RPH3AL: variants seen among roughly 807,000 people sequenced by gnomAD.
The protein encoded by RPH3AL is rabphilin 3A like (without C2 domains).
A neutral mutation model predicts 43.1 loss-of-function variants in RPH3AL; 38 were observed. The ratio of observed to expected loss-of-function variants is 0.88; its 90% CI spans 0.68 to 1.15. RPH3AL has a LOEUF of 1.15. RPH3AL is among the 50% of genes most tolerant of loss of function. RPH3AL has a pLI of 0.00. For missense variants in RPH3AL, 462 were observed against 423.2 expected, an observed-to-expected ratio of 1.09 and a Z score of -0.81; for synonymous variants, 189 against 176.3, an observed-to-expected ratio of 1.07 and a Z score of -0.57.
chr17:301,970 C>A (rs570733529), intron 5 of RPH3AL, among the ~76,000 whole-genome samples: 1 of 152,196 alleles, frequency 6.6e-6, no homozygotes, highest in Non-Finnish European at 1.5e-5. Flanking sequence ...TCAGGCACAG[C>A]GGCTCTCAGA....
At chr17:223,145 G>A (rs2041030203) in intron 7 of RPH3AL, among the ~76,000 whole-genome samples, 1 of 151,280 alleles carries the variant, frequency 6.6e-6, no homozygotes, top group African/African-American at 2.4e-5. Flanking sequence ...AGCTGAGATT[G>A]CGCCACTGCA....
At chr17:326,258 C>T (rs2044618124) in intron 3 of RPH3AL, among the ~76,000 whole-genome samples, 1 of 152,262 alleles carries the variant, frequency 6.6e-6, no homozygotes, top group Non-Finnish European at 1.5e-5. Flanking sequence ...TCACGCATGA[C>T]TCCGCTCTCC....
At chr17:334,408 G>C (rs980121239) in intron 1 of RPH3AL, among the ~76,000 whole-genome samples, 1 of 152,200 alleles carries the variant, frequency 6.6e-6, no homozygotes, top group Non-Finnish European at 1.5e-5. Flanking sequence ...CGTCCACTGC[G>C]GGGGGACAGG....
At chr17:316,115 C>A (rs1555519694) in intron 5 of RPH3AL, among the ~76,000 whole-genome samples, 4 of 76,390 alleles carry the variant, frequency 5.2e-5, no homozygotes, top group African/African-American at 8.8e-5. Context: ...TCTCTCTGCA[C>A]CCACCTCCAT....
chr17:301,875 T>C (rs1158572773), intron 5 of RPH3AL, among the ~76,000 whole-genome samples: 1 of 152,124 alleles, frequency 6.6e-6, no homozygotes, highest in Non-Finnish European at 1.5e-5. Flanking sequence ...AGTGTCTCCA[T>C]CTGGAAAACG....
At chr17:277,345 G>A (rs2042677815) in intron 6 of RPH3AL, among the ~76,000 whole-genome samples, 1 of 152,106 alleles carries the variant, frequency 6.6e-6, no homozygotes, top group African/African-American at 2.4e-5. Context: ...ATTTTTGGAA[G>A]GTGTTTATTT....
chr17:272,992 GGGT>G (rs1370578464), intron 6 of RPH3AL, among the ~76,000 whole-genome samples: 5 of 117,128 alleles, frequency 4.3e-5, no homozygotes, highest in African/African-American at 1.4e-4. Flanking sequence ...GGCTACGTCA[GGGT>G]GAGACCCCAG....
In RPH3AL at chr17:243,194, T is replaced by C. The variant is rs66706582; in HGVS notation, c.613+3917A>G. ...CTATTGATTACCCTTCCTCTATTGA[T>C]TACCTTCCTCTATTGACTACCTTCC... is the stretch of plus-strand genomic sequence containing the variant. On this transcript the variant is annotated intron_variant, in intron 7 of 9. Coordinates refer to ENST00000331302, the MANE Select transcript of RPH3AL (RefSeq NM_006987.4). 7.7e-3 allele frequency among the ~76,000 whole-genome samples: 611 copies of C among 79,380 alleles called. 2 individuals carry two copies. The highest frequency in any genetic ancestry group is 0.024 in the South Asian group (41 of 1,726). The allele number at this position is 79,380 out of a possible 152,430, so 52.1% of individuals were successfully genotyped here.
chr17:316,925 CT>C (rs2044251905), intron 5 of RPH3AL, among the ~76,000 whole-genome samples: 1 of 146,820 alleles, frequency 6.8e-6, no homozygotes, highest in African/African-American at 2.6e-5. Flanking sequence ...GACCTGTAGT[CT>C]CTGTGCTCCA....
intron 1 of RPH3AL, among the ~76,000 whole-genome samples, chr17:336,216 G>A (rs1485506817): frequency 1.3e-5 from 2 of 152,156 alleles, no homozygotes; most frequent in East Asian, 1.9e-4. Flanking sequence ...ACTATGACAC[G>A]GGAAACACGA....
chr17:277,615 G>A (rs556018693), intron 6 of RPH3AL, among the ~76,000 whole-genome samples: 8 of 152,218 alleles, frequency 5.3e-5, no homozygotes, highest in Non-Finnish European at 8.8e-5. Context: ...TTCTGTCTCC[G>A]CTTTACTCAA....
At chr17:243,919 ACCTTCCTCTACTGATTAC>A (rs1567578617) in intron 7 of RPH3AL, among the ~76,000 whole-genome samples, 28 of 140,738 alleles carry the variant, frequency 2.0e-4, no homozygotes, top group Middle Eastern at 5.4e-3. Context: ...TCTATTGATT[ACCTTCCTCTACTGATTAC>A]CCTTCCTCTA....
chr17:324,800 A>G (rs1443326237), intron 3 of RPH3AL, among the ~76,000 whole-genome samples: 1 of 152,126 alleles, frequency 6.6e-6, no homozygotes, highest in Non-Finnish European at 1.5e-5. Context: ...ATCTCAGCTC[A>G]CTGCAACATC....
rs904506091 is a variant in RPH3AL at position 323,333 on chromosome 17, T to C, written c.78-1918A>G. Among the ~76,000 whole-genome samples, 3 of 150,536 alleles carry C rather than the reference T, an allele frequency of 2.0e-5. No individual in the cohort carries two copies. Among genetic ancestry groups the C allele is most frequent in the African/African-American group, 7.3e-5 (3 of 40,896 alleles). On this transcript the variant is annotated intron_variant, in intron 3 of 9. Transcript: ENST00000331302. This position sits in a 1 kb window ranked among gnomAD's most constrained non-coding sequence, Gnocchi z 4.4. ...TGCTCACGGTGCTGGGGAAGGAAAA[T>C]ACCGGGGCAGCAGGGCAGGGCTGGA... is the stretch of plus-strand genomic sequence containing the variant.
At chr17:249,048 G>T (rs1485501997) in intron 6 of RPH3AL, among the ~76,000 whole-genome samples, 1 of 152,124 alleles carries the variant, frequency 6.6e-6, no homozygotes, top group Non-Finnish European at 1.5e-5. Context: ...ACCGCCTCTT[G>T]GAGAGAGCCA....
intron 5 of RPH3AL, among the ~76,000 whole-genome samples, chr17:316,391 A>C (rs1598107644): frequency 7.4e-6 from 1 of 134,538 alleles, no homozygotes; most frequent in African/African-American, 3.1e-5. Context: ...CTCTGCACCC[A>C]CCTCCATTGT....
In RPH3AL at chr17:294,022, G is replaced by A. The variant is rs1013543172; in HGVS notation, c.352-12168C>T. Among the ~76,000 whole-genome samples, 29 of 150,392 alleles carry A rather than the reference G, an allele frequency of 1.9e-4. 1 individual carries two copies. The highest frequency in any genetic ancestry group is 1.7e-3 in the Admixed American group (25 of 15,102). On this transcript the variant is annotated intron_variant, in intron 5 of 9. Transcript: ENST00000331302. ...CAGCCTGGGTGACAGAGCAAGACTCGGTCTCAAAAAAATAAAATAAAAATA... is the reference window on the plus strand; with the variant it reads ...CAGCCTGGGTGACAGAGCAAGACTCAGTCTCAAAAAAATAAAATAAAAATA...
At chr17:270,325 G>A (rs190343462) in intron 6 of RPH3AL, among the ~76,000 whole-genome samples, 54 of 152,354 alleles carry the variant, frequency 3.5e-4, no homozygotes, top group African/African-American at 1.2e-3. Flanking sequence ...GGCAGCTTGC[G>A]GTGAGCACAG....
chr17:268,010 C>T lies in RPH3AL; in HGVS notation c.438+13758G>A, dbSNP rs149212298. Reference sequence around the variant, plus strand: ...AGAAGCTCCCGTAAACCCACCCTCCCTCTCAGAGGTAACCACCATCTGGAA... The same window carrying T: ...AGAAGCTCCCGTAAACCCACCCTCCTTCTCAGAGGTAACCACCATCTGGAA... On this transcript the variant is annotated intron_variant, in intron 6 of 9. Coordinates refer to ENST00000331302, the MANE Select transcript of RPH3AL (RefSeq NM_006987.4). Among the ~76,000 whole-genome samples the T allele has an allele frequency of 2.6e-3, 397 of 152,302 alleles. 5 individuals are homozygous for T. The highest frequency in any genetic ancestry group is 9.2e-3 in the African/African-American group (383 of 41,554).
Sources: allele counts gnomAD v4.1 joint callset (sites outside exome capture counted in the v4.1 genomes callset), GRCh38; gene constraint gnomAD v4.1.1; non-coding constraint Gnocchi (gnomAD v3.1); transcripts MANE v1.5; gene names NCBI Gene and HGNC (gene_info 2026-07-23, HGNC 2026-07-21).